NCOA2: variants seen among roughly 807,000 people sequenced by gnomAD.
NCOA2 encodes class E basic helix-loop-helix protein 75.
A neutral mutation model predicts 145.1 loss-of-function variants in NCOA2; 21 were observed. The observed-to-expected ratio is 0.14, with a 90% CI of 0.10 to 0.21. The LOEUF is 0.21. NCOA2 is among the 10% of genes least tolerant of loss of function. The pLI is 1.00. For missense variants in NCOA2, 1,472 were observed against 1,837.6 expected (o/e 0.80, Z 3.64); for synonymous variants, 619 against 637.5 (o/e 0.97, Z 0.44).
At chr8:70,124,544 T>C in intron 20 of NCOA2, 144 bp downstream of exon 20, 1 of 724,390 alleles carries the variant, frequency 1.4e-6, no homozygotes, top group Non-Finnish European at 2.1e-6. Context: ...GAAATTGCTG[T>C]GGAAGGCGGT....
chr8:70,219,825 C>T (rs541761573), intron 2 of NCOA2, among the ~76,000 whole-genome samples: 65 of 152,172 alleles, frequency 4.3e-4, no homozygotes, highest in African/African-American at 1.5e-3. Context: ...ATTTCTAATG[C>T]TTATGTGAGG....
At chr8:70,328,120 T>C (rs1276416954) in intron 1 of NCOA2, among the ~76,000 whole-genome samples, 1 of 152,198 alleles carries the variant, frequency 6.6e-6, no homozygotes, top group Non-Finnish European at 1.5e-5. Flanking sequence ...GTCTGACTAA[T>C]CAGCGTACCT....
At chr8:70,158,603 G>C (rs143990195) in intron 10 of NCOA2, among the ~76,000 whole-genome samples, 1 of 152,204 alleles carries the variant, frequency 6.6e-6, no homozygotes, top group African/African-American at 2.4e-5. Context: ...CAAGGTGGAA[G>C]GATCACTCAA....
At chr8:70,204,568 T>A (rs980796998) in intron 4 of NCOA2, among the ~76,000 whole-genome samples, 1 of 152,240 alleles carries the variant, frequency 6.6e-6, no homozygotes, top group African/African-American at 2.4e-5. Flanking sequence ...ACAAATGTTA[T>A]GTTCTTAAAT....
chr8:70,313,523 G>T (rs181354265), intron 1 of NCOA2, among the ~76,000 whole-genome samples: 1 of 152,054 alleles, frequency 6.6e-6, no homozygotes, highest in African/African-American at 2.4e-5. Flanking sequence ...AAGCTGAAAA[G>T]AGTTATTTTG....
chr8:70,454,749 T>C, the NCOA2 span, among the ~76,000 whole-genome samples: 2 of 152,206 alleles, frequency 1.3e-5, no homozygotes, highest in Non-Finnish European at 2.9e-5. Flanking sequence ...TTGTCCTCAT[T>C]CTGCAGTGAT....
intron 1 of NCOA2, among the ~76,000 whole-genome samples, chr8:70,387,024 C>T (rs1236637306): frequency 6.6e-6 from 1 of 152,158 alleles, no homozygotes; most frequent in Non-Finnish European, 1.5e-5. Flanking sequence ...AATTCTCCCA[C>T]CTCAGCCTCC....
chr8:70,332,482 G>T (rs1025364307), intron 1 of NCOA2, among the ~76,000 whole-genome samples: 1 of 152,056 alleles, frequency 6.6e-6, no homozygotes, highest in African/African-American at 2.4e-5. Flanking sequence ...AGGAAAATGG[G>T]TCTTTTTCTG....
rs1271408253 is a variant in NCOA2, at chr8:70,140,600, T to TTTG, written c.3028+583_3028+584insCAA. On this transcript the variant is annotated intron_variant, in intron 14 of 22. Coordinates refer to ENST00000452400, the MANE Select transcript of NCOA2 (RefSeq NM_006540.4). Reference sequence around the variant, plus strand: ...TACTGCTGTACCACCTAAGTTTTTTTTTTTTTTTTTTTTTTTTGAGACAGA... The same window carrying TTTG: ...TACTGCTGTACCACCTAAGTTTTTTTTTGTTTTTTTTTTTTTTTTTGAGACAGA... 6.9e-4 allele frequency among the ~76,000 whole-genome samples: 99 copies of TTTG among 143,444 alleles called. 1 individual carries two copies. Among genetic ancestry groups the TTTG allele is most frequent in the African/African-American group, 2.5e-3 (95 of 37,916 alleles). The allele number at this position is 143,444 out of a possible 152,430, so 94.1% of individuals were successfully genotyped here.
At chr8:70,395,298 G>A (rs762437145) in intron 1 of NCOA2, among the ~76,000 whole-genome samples, 3 of 152,170 alleles carry the variant, frequency 2.0e-5, no homozygotes, top group Non-Finnish European at 4.4e-5. Flanking sequence ...GTCAGCTACT[G>A]GAGTCTGGTC....
chr8:70,165,291 T>C (rs1813482593), intron 7 of NCOA2, among the ~76,000 whole-genome samples: 1 of 152,230 alleles, frequency 6.6e-6, no homozygotes, highest in Non-Finnish European at 1.5e-5. Flanking sequence ...AATTTTAAAA[T>C]AAGCATTAAA....
At chr8:70,175,526 CG>C (rs1299051540) in intron 4 of NCOA2, among the ~76,000 whole-genome samples, 1 of 152,210 alleles carries the variant, frequency 6.6e-6, no homozygotes, top group Non-Finnish European at 1.5e-5. Context: ...TGGATGGAAA[CG>C]TGCAAGGCAA....
intron 2 of NCOA2, among the ~76,000 whole-genome samples, chr8:70,271,369 T>C (rs984873741): frequency 7.2e-5 from 11 of 152,226 alleles, no homozygotes; most frequent in African/African-American, 2.7e-4. Flanking sequence ...AAGGGTACCC[T>C]GACTGTAAAT....
Position 70,169,890 on chromosome 8 carries a change from A to AATCATCATCATC in NCOA2, c.541+300_541+311dup, listed in dbSNP as rs56144437. Among the ~76,000 whole-genome samples the AATCATCATCATC allele has an allele frequency of 8.9e-3, 1,338 of 150,168 alleles. 10 individuals carry two copies. The highest frequency in any genetic ancestry group is 0.018 in the African/African-American group (737 of 40,832). On this transcript the variant is annotated intron_variant, in intron 6 of 22. Transcript: ENST00000452400. ...TCATGAGGTAATTACTGCCAAGCAA[A>AATCATCATCATC]ATCATCATCATCATCATCATCATCA...
chr8:70,143,515 G>A (rs527858568), intron 13 of NCOA2, among the ~76,000 whole-genome samples: 33 of 151,982 alleles, frequency 2.2e-4, no homozygotes, highest in Non-Finnish European at 3.8e-4. Flanking sequence ...TTAATGAAAT[G>A]AATATGACTA....
At chr8:70,290,879 G>C (rs1826628229) in intron 2 of NCOA2, among the ~76,000 whole-genome samples, 1 of 151,414 alleles carries the variant, frequency 6.6e-6, no homozygotes, top group Admixed American at 6.6e-5. Context: ...TTATCTTTAA[G>C]GGGATTCTGG....
intron 1 of NCOA2, among the ~76,000 whole-genome samples, chr8:70,342,455 C>T (rs1028589704): frequency 1.3e-5 from 2 of 151,994 alleles, no homozygotes; most frequent in Admixed American, 1.3e-4. Context: ...CTTTTGTTCC[C>T]TCTAATGTTT....
intron 9 of NCOA2, among the ~76,000 whole-genome samples, chr8:70,160,169 C>A (rs1470105215): frequency 2.6e-5 from 4 of 152,240 alleles, no homozygotes. Context: ...ACACTACTCT[C>A]CCCCAGTCCT....
the NCOA2 span, among the ~76,000 whole-genome samples, chr8:70,451,400 CAAA>C: frequency 2.5e-4 from 17 of 67,496 alleles, no homozygotes; most frequent in African/African-American, 8.4e-4. Flanking sequence ...AGAGTGAGAC[CAAA>C]AAAAAAAAAA....
Sources: gnomAD v4.1 joint callset for allele counts (sites outside exome capture counted in the v4.1 genomes callset) on GRCh38, gnomAD v4.1.1 for gene constraint, MANE v1.5 for transcripts, NCBI Gene and HGNC (gene_info 2026-07-23, HGNC 2026-07-21) for gene names.